Variants in PHC3 observed in about 807,000 individuals in gnomAD.
PHC3 encodes polyhomeotic-like protein 3.
PHC3 carries 13 observed loss-of-function variants against 107.4 expected under a neutral mutation model. That is an observed-to-expected ratio of 0.12 (90% CI 0.08 to 0.19). PHC3 has a LOEUF of 0.19. PHC3 is among the 10% of genes least tolerant of loss of function. The pLI is 1.00. For missense variants in PHC3, 992 were observed against 1,210.9 expected (o/e 0.82, Z 2.68); for synonymous variants, 456 against 427.4 (o/e 1.07, Z -0.83).
At chr3:170,176,037 C>T (rs954857636) in intron 2 of PHC3, among the ~76,000 whole-genome samples, 3 of 151,310 alleles carry the variant, frequency 2.0e-5, no homozygotes, top group African/African-American at 7.3e-5. Flanking sequence ...ACCGGCCTGA[C>T]CAATATGGTG....
chr3:170,151,538 C>T (rs1224762634), intron 4 of PHC3, among the ~76,000 whole-genome samples: 4 of 152,124 alleles, frequency 2.6e-5, no homozygotes, highest in Admixed American at 2.6e-4. Context: ...CAGCTGACAC[C>T]AAGGCAGTCT....
chr3:170,098,530 C>A (rs1714949415), intron 14 of PHC3, among the ~76,000 whole-genome samples: 8 of 152,150 alleles, frequency 5.3e-5, no homozygotes, highest in Admixed American at 5.2e-4. Context: ...TGATGTCTTA[C>A]AACCCCAGCA....
rs1372677249 is a variant in PHC3 at position 170,087,913 on chromosome 3, G to C, written c.*9317C>G. ...AATTCATACACATGCTACTTAATATGAAAGTGCTTTCTCTTTTTTAAAAAA... is the reference window on the plus strand; with the variant it reads ...AATTCATACACATGCTACTTAATATCAAAGTGCTTTCTCTTTTTTAAAAAA... On this transcript the variant is annotated 3_prime_UTR_variant, in exon 15 of 15. Coordinates refer to ENST00000495893, the MANE Select transcript of PHC3 (RefSeq NM_024947.4). 6.6e-6 allele frequency: 1 copy of C among 152,040 alleles called. No homozygotes were observed. The highest frequency in any genetic ancestry group is 1.5e-5 in the Non-Finnish European group (1 of 67,990). 9.4% of individuals were successfully genotyped at this position (152,040 alleles called of 1,614,324 possible).
chr3:170,146,868 CTATTT>C (rs1387978682), intron 5 of PHC3, among the ~76,000 whole-genome samples: 1 of 135,792 alleles, frequency 7.4e-6, no homozygotes, highest in Non-Finnish European at 1.6e-5. Flanking sequence ...TGCCATTAAT[CTATTT>C]TTTCTTTTTT....
chr3:170,107,351 T>C (rs1282020957), intron 11 of PHC3, among the ~76,000 whole-genome samples: 4 of 152,210 alleles, frequency 2.6e-5, no homozygotes, highest in Non-Finnish European at 2.9e-5. Flanking sequence ...TGGAGATACA[T>C]AGCAGGGAAC....
In PHC3 at chr3:170,113,512, C is replaced by G; in HGVS notation, c.2201G>C (p.Arg734Pro). ...AGGCTGTTCTATTAGCAAAGAGGAACGACTCACCTTTAAAAAAGGAGAAAT... is the reference window on the plus strand; with the variant it reads ...AGGCTGTTCTATTAGCAAAGAGGAAGGACTCACCTTTAAAAAAGGAGAAAT... ...QEGLEPFPVS[R>P]SSLLIEQPVK... The change falls in exon 11 of 15, where the codon CGT (arginine) becomes CCT (proline). Residue 734 changes from arginine to proline, a missense_variant. By Grantham distance (103) the Arg-to-Pro change is moderately radical. This residue lies in a region of PHC3 where 228 missense variants were observed against 288.8 expected (regional missense o/e 0.79). Coordinates refer to ENST00000495893, the MANE Select transcript of PHC3 (RefSeq NM_024947.4). 6.3e-7 allele frequency: 1 copy of G among 1,590,908 alleles called. No individual in the cohort carries two copies. The highest frequency in any genetic ancestry group is 8.5e-7 in the Non-Finnish European group (1 of 1,172,114).
intron 4 of PHC3, among the ~76,000 whole-genome samples, chr3:170,155,426 T>C (rs754446046): frequency 2.0e-5 from 3 of 152,100 alleles, no homozygotes; most frequent in Non-Finnish European, 4.4e-5. Flanking sequence ...GTGAAAAACA[T>C]GTTAAGAAAG....
At chr3:170,146,879 T>C (rs1219105269) in intron 5 of PHC3, among the ~76,000 whole-genome samples, 3 of 124,286 alleles carry the variant, frequency 2.4e-5, no homozygotes, top group African/African-American at 6.6e-5. Context: ...TATTTTTTCT[T>C]TTTTTTTTTT....
At chr3:170,159,328 G>C (rs117303283) in intron 4 of PHC3, among the ~76,000 whole-genome samples, 1 of 151,108 alleles carries the variant, frequency 6.6e-6, no homozygotes, top group Admixed American at 6.6e-5. Flanking sequence ...ATAGAAAAAC[G>C]GAATATTAGT....
At chr3:170,157,654 G>GA (rs1363696993) in intron 4 of PHC3, among the ~76,000 whole-genome samples, 1 of 152,124 alleles carries the variant, frequency 6.6e-6, no homozygotes, top group African/African-American at 2.4e-5. Flanking sequence ...AGAACACTGA[G>GA]AATGACTGAT....
At chr3:170,181,262 G>T (rs1434010596) in intron 1 of PHC3, among the ~76,000 whole-genome samples, 4 of 152,178 alleles carry the variant, frequency 2.6e-5, no homozygotes, top group Non-Finnish European at 5.9e-5. Context: ...CGCCGGGGCG[G>T]GAAGGAGAAG....
At position 170,128,990 on chromosome 3, in the gene PHC3, GAC is replaced by G. The variant is rs1560064163; in HGVS notation, c.1480_1481del (p.Val494LeufsTer47). 1 of 1,613,962 alleles carries G rather than the reference GAC, an allele frequency of 6.2e-7. No individual in the cohort carries two copies. The highest frequency in any genetic ancestry group is 1.1e-5 in the South Asian group (1 of 91,086). On this transcript the variant is annotated frameshift_variant, in exon 8 of 15. Transcript: ENST00000495893. LOFTEE classifies it high-confidence loss of function. Reference sequence around the variant, plus strand: ...ATGAATATTGCTGGTGTGATGGAGAGACAATCTGCTGGCCTGGGGATACCAAG... The same window carrying G: ...ATGAATATTGCTGGTGTGATGGAGAGAATCTGCTGGCCTGGGGATACCAAG... ...SALVSPGQQI[V>X]SPSHQQYSSL...
intron 5 of PHC3, 103 bp downstream of exon 5, chr3:170,148,983 C>A: frequency 8.2e-7 from 1 of 1,219,012 alleles, no homozygotes; most frequent in South Asian, 1.4e-5. Flanking sequence ...CACAATTAAA[C>A]ATTTCTTAAA....
intron 11 of PHC3, among the ~76,000 whole-genome samples, chr3:170,107,547 C>T (rs773346994): frequency 1.3e-5 from 2 of 152,072 alleles, no homozygotes; most frequent in African/African-American, 2.4e-5. Flanking sequence ...AGTTTGAGAC[C>T]AGTGTGGGCA....
At chr3:170,159,076 C>T (rs912758954) in intron 4 of PHC3, among the ~76,000 whole-genome samples, 3 of 151,640 alleles carry the variant, frequency 2.0e-5, no homozygotes, top group African/African-American at 7.3e-5. Flanking sequence ...ATGGTGAAAC[C>T]GCGTATCCAC....
chr3:170,154,659 G>A (rs1450116819), intron 4 of PHC3, among the ~76,000 whole-genome samples: 2 of 152,120 alleles, frequency 1.3e-5, no homozygotes, highest in South Asian at 2.1e-4. Flanking sequence ...AACTAGCAAC[G>A]CCCTAACCAC....
chr3:170,106,748 C>A, intron 12 of PHC3, 84 bp downstream of exon 12: 1 of 699,034 alleles, frequency 1.4e-6, no homozygotes, highest in Non-Finnish European at 2.3e-6. Flanking sequence ...TATAGTTATC[C>A]TTGGTAAGCT....
At chr3:170,180,212 T>G (rs1400096248) in intron 1 of PHC3, among the ~76,000 whole-genome samples, 1 of 149,072 alleles carries the variant, frequency 6.7e-6, no homozygotes, top group African/African-American at 2.5e-5. Context: ...ATCCTACCAC[T>G]CAGGGGGAGG....
Position 170,088,261 on chromosome 3 carries a change from TGGGAGGAACCAAA to T in PHC3, c.*8956_*8968del, listed in dbSNP as rs1025609725. The T allele has an allele frequency of 6.6e-6, 1 of 152,176 alleles. No individual in the cohort carries two copies. Among genetic ancestry groups the T allele is most frequent in the African/African-American group, 2.4e-5 (1 of 41,450 alleles). The allele number at this position is 152,176 out of a possible 1,614,324, so 9.4% of individuals were successfully genotyped here. ...ATATGAAAGTCCTATTTTAGAACAA[TGGGAGGAACCAAA>T]AGGGGAATTAAAAAATTGGTTAACG... is the stretch of plus-strand genomic sequence containing the variant. On this transcript the variant is annotated 3_prime_UTR_variant, in exon 15 of 15. Transcript: ENST00000495893.
Sources: allele counts gnomAD v4.1 joint callset (sites outside exome capture counted in the v4.1 genomes callset), GRCh38; gene constraint gnomAD v4.1.1; regional missense constraint gnomAD v4.1.1; transcripts MANE v1.5; gene names NCBI Gene and HGNC (gene_info 2026-07-23, HGNC 2026-07-21).